The following AP1AR variants were observed in gnomAD, a reference collection of about 807,000 sequenced individuals.
The protein encoded by AP1AR is AP-1 complex-associated regulatory protein.
Under a neutral mutation model 46.3 loss-of-function variants are expected in AP1AR, and 29 were observed. The ratio of observed to expected loss-of-function variants is 0.63; its 90% CI spans 0.47 to 0.85. The LOEUF (loss-of-function observed/expected upper bound fraction) is 0.85, where lower values mean the gene tolerates loss of function less well. Ranked by LOEUF, AP1AR falls within the 40% of genes least tolerant of loss-of-function variation. AP1AR has a pLI of 0.00. For synonymous variants in AP1AR, 122 were observed against 122.9 expected, an observed-to-expected ratio of 0.99 and a Z score of 0.05; for missense variants, 357 against 356.3, an observed-to-expected ratio of 1.00 and a Z score of -0.02.
chr4:112,252,618 T>C (rs1435670208), intron 1 of AP1AR, among the ~76,000 whole-genome samples: 2 of 152,184 alleles, frequency 1.3e-5, no homozygotes, highest in Admixed American at 1.3e-4. Context: ...ATAAAGTCAA[T>C]ATTTGGCCCT....
intron 6 of AP1AR, among the ~76,000 whole-genome samples, chr4:112,263,748 T>C (rs1336540010): frequency 2.0e-5 from 3 of 152,222 alleles, no homozygotes; most frequent in Admixed American, 2.0e-4. Context: ...TTTTACCTTA[T>C]TTAATCCTCA....
intron 2 of AP1AR, among the ~76,000 whole-genome samples, chr4:112,254,467 GA>G (rs1726095720): frequency 6.6e-6 from 1 of 152,120 alleles, no homozygotes; most frequent in Admixed American, 6.5e-5. Flanking sequence ...CAATTCAGAT[GA>G]AAGTTTTAGT....
intron 1 of AP1AR, among the ~76,000 whole-genome samples, chr4:112,247,086 T>C (rs1258343214): frequency 6.6e-6 from 1 of 152,218 alleles, no homozygotes; most frequent in East Asian, 1.9e-4. Context: ...TAACTCACTC[T>C]TCCTGTGTCC....
At position 112,268,484 on chromosome 4, in the gene AP1AR, C is replaced by T; in HGVS notation, c.*75C>T. 7.0e-7 allele frequency: 1 copy of T among 1,425,232 alleles called. No homozygotes were observed. Among genetic ancestry groups the T allele is most frequent in the Non-Finnish European group, 9.3e-7 (1 of 1,070,626 alleles). The allele number at this position is 1,425,232 out of a possible 1,614,324, so 88.3% of individuals were successfully genotyped here. On this transcript the variant is annotated 3_prime_UTR_variant, in exon 10 of 10. Coordinates refer to ENST00000274000, the MANE Select transcript of AP1AR (RefSeq NM_018569.6). ...CAACTAGAATGTATAAGTGATTGTG[C>T]TTAGCCTTTTTGTAAGGGAGATGTG...
chr4:112,232,322 C>T (rs1725048430), intron 1 of AP1AR, 148 bp downstream of exon 1: 3 of 690,850 alleles, frequency 4.3e-6, no homozygotes, highest in African/African-American at 3.7e-5. Context: ...GACTGGTGGT[C>T]GTCTTGGAGG....
At chr4:112,244,400 A>C (rs986673096) in intron 1 of AP1AR, among the ~76,000 whole-genome samples, 9 of 152,212 alleles carry the variant, frequency 5.9e-5, no homozygotes, top group African/African-American at 2.2e-4. Context: ...GTATTGCCAC[A>C]GCATAAACTA....
At chr4:112,235,011 A>C (rs187011990) in intron 1 of AP1AR, among the ~76,000 whole-genome samples, 151 of 152,362 alleles carry the variant, frequency 9.9e-4, no homozygotes, top group Non-Finnish European at 1.8e-3. Flanking sequence ...AGTATTGTAT[A>C]TTCTAGGATA....
intron 4 of AP1AR, 65 bp from the exon 5 acceptor site, chr4:112,260,701 A>G: frequency 9.8e-7 from 1 of 1,022,040 alleles, no homozygotes; most frequent in South Asian, 2.1e-5. Flanking sequence ...TGAGTGTTTT[A>G]TTTGGACTTA....
At chr4:112,249,609 A>T (rs927862754) in intron 1 of AP1AR, among the ~76,000 whole-genome samples, 4 of 151,980 alleles carry the variant, frequency 2.6e-5, no homozygotes, top group Non-Finnish European at 4.4e-5. Flanking sequence ...GTGAGTCGAG[A>T]TCCAGCCACT....
At chr4:112,234,466 TA>T (rs1393213116) in intron 1 of AP1AR, among the ~76,000 whole-genome samples, 1 of 152,196 alleles carries the variant, frequency 6.6e-6, no homozygotes, top group East Asian at 1.9e-4. Flanking sequence ...CACTGTCATC[TA>T]AAATTATATA....
At position 112,268,970 on chromosome 4, in the gene AP1AR, T is replaced by C. The variant is rs1236878733; in HGVS notation, c.*561T>C. The C allele has an allele frequency of 6.6e-6, 1 of 151,828 alleles. No individual in the cohort carries two copies. The highest frequency in any genetic ancestry group is 1.5e-5 in the Non-Finnish European group (1 of 67,832). The allele number at this position is 151,828 out of a possible 1,614,324, so 9.4% of individuals were successfully genotyped here. A position where few individuals can be genotyped will look rare whatever the true frequency, so the allele number is the denominator to read the frequency against. ...GAAATGCTGAAGTATCGGCATTACA[T>C]GTGTTTATTTACATGTCCTAGTATG... On this transcript the variant is annotated 3_prime_UTR_variant, in exon 10 of 10. Transcript: ENST00000274000.
chr4:112,243,168 C>T (rs545225031), intron 1 of AP1AR, among the ~76,000 whole-genome samples: 1 of 152,336 alleles, frequency 6.6e-6, no homozygotes, highest in South Asian at 2.1e-4. Context: ...TTCTTCACAG[C>T]TCAACTTTAT....
chr4:112,268,662 T>G lies in AP1AR; in HGVS notation c.*253T>G. The G allele has an allele frequency of 3.1e-6, 1 of 320,148 alleles. No individual in the cohort carries two copies. The highest frequency in any genetic ancestry group is 5.6e-6 in the Non-Finnish European group (1 of 177,352). 19.8% of individuals were successfully genotyped at this position (320,148 alleles called of 1,614,324 possible). A position where few individuals can be genotyped will look rare whatever the true frequency, so the allele number is the denominator to read the frequency against. On this transcript the variant is annotated 3_prime_UTR_variant, in exon 10 of 10. Coordinates refer to ENST00000274000, the MANE Select transcript of AP1AR (RefSeq NM_018569.6). ...GTCATGTTACTGATTAAATTTACTTTGTCTTGTCTTTATAGCATTTCTGTT... is the reference window on the plus strand; with the variant it reads ...GTCATGTTACTGATTAAATTTACTTGGTCTTGTCTTTATAGCATTTCTGTT...
intron 1 of AP1AR, among the ~76,000 whole-genome samples, chr4:112,249,229 G>A (rs1267396916): frequency 6.6e-6 from 1 of 152,066 alleles, no homozygotes; most frequent in Non-Finnish European, 1.5e-5. Flanking sequence ...AGCGGGTGGA[G>A]GTTGTGAGCC....
At chr4:112,263,412 G>A (rs749538441) in intron 6 of AP1AR, among the ~76,000 whole-genome samples, 32 of 150,870 alleles carry the variant, frequency 2.1e-4, no homozygotes, top group Middle Eastern at 3.5e-3. Context: ...GAGGGAAAGC[G>A]TTGCAAAACT....
intron 7 of AP1AR, 114 bp from the exon 8 acceptor site, chr4:112,265,620 G>C (rs926897240): frequency 2.9e-6 from 2 of 685,148 alleles, no homozygotes; most frequent in African/African-American, 1.9e-5. Context: ...TTGTACAGCA[G>C]TTATGAATTT....
chr4:112,257,901 A>G, intron 4 of AP1AR, 104 bp downstream of exon 4: 3 of 975,142 alleles, frequency 3.1e-6, no homozygotes, highest in Non-Finnish European at 4.4e-6. Context: ...GACATTAAAC[A>G]GTTTACATTT....
In AP1AR at chr4:112,270,174, G is replaced by A. The variant is rs920032812; in HGVS notation, c.*1765G>A. On this transcript the variant is annotated 3_prime_UTR_variant, in exon 10 of 10. Coordinates refer to ENST00000274000, the MANE Select transcript of AP1AR (RefSeq NM_018569.6). ...AAAAGTAAATTAAGAAAGCAAGATG[G>A]AACTAGAAAATGTGTTTTAACTGTT... 6.6e-6 allele frequency: 1 copy of A among 152,456 alleles called. No individual in the cohort carries two copies. The highest frequency in any genetic ancestry group is 2.4e-5 in the African/African-American group (1 of 41,412). 9.4% of individuals were successfully genotyped at this position (152,456 alleles called of 1,614,324 possible). A position where few individuals can be genotyped will look rare whatever the true frequency, so the allele number is the denominator to read the frequency against.
intron 1 of AP1AR, among the ~76,000 whole-genome samples, chr4:112,246,362 T>C (rs1317962256): frequency 6.6e-6 from 1 of 152,094 alleles, no homozygotes; most frequent in Admixed American, 6.6e-5. Flanking sequence ...AAAAATCAGC[T>C]GGGCATGGTG....
Sources: gnomAD v4.1 joint callset for allele counts (sites outside exome capture counted in the v4.1 genomes callset) on GRCh38, gnomAD v4.1.1 for gene constraint, MANE v1.5 for transcripts, NCBI Gene and HGNC (gene_info 2026-07-23, HGNC 2026-07-21) for gene names.